ADAM7: variants seen among roughly 807,000 people sequenced by gnomAD.
ADAM7 encodes ADAM metallopeptidase domain 7, also known as disintegrin and metalloproteinase domain-containing protein 7.
A neutral mutation model predicts 102.9 loss-of-function variants in ADAM7; 97 were observed. That is an observed-to-expected ratio of 0.94 (90% CI 0.80 to 1.12). ADAM7 has a LOEUF of 1.12. Ranked by LOEUF, ADAM7 falls within the 50% of genes most tolerant of loss-of-function variation. The pLI is 0.00. For missense variants in ADAM7, 991 were observed against 908.7 expected, an observed-to-expected ratio of 1.09 and a Z score of -1.16; for synonymous variants, 334 against 304.4, an observed-to-expected ratio of 1.10 and a Z score of -1.01.
chr8:24,499,389 C>T, intron 17 of ADAM7, 73 bp downstream of exon 17: 1 of 1,138,366 alleles, frequency 8.8e-7, no homozygotes, highest in South Asian at 1.6e-5. Flanking sequence ...CCTATATGTG[C>T]ATGTATATGT....
chr8:24,468,842 T>A, intron 7 of ADAM7, 22 bp downstream of exon 7: 1 of 1,594,504 alleles, frequency 6.3e-7, no homozygotes, highest in Non-Finnish European at 8.6e-7. Context: ...ATAGAACATT[T>A]CTCTCTTTAT....
chr8:24,452,083 T>A (rs570078949), intron 3 of ADAM7, among the ~76,000 whole-genome samples: 1 of 152,042 alleles, frequency 6.6e-6, no homozygotes, highest in African/African-American at 2.4e-5. Flanking sequence ...TGTGGTCAAT[T>A]TTGGAATAGG....
intron 2 of ADAM7, among the ~76,000 whole-genome samples, chr8:24,446,224 G>T (rs1818553190): frequency 6.6e-6 from 1 of 152,090 alleles, no homozygotes. Context: ...AAAGAAACTG[G>T]TGAAAGGGCA....
chr8:24,496,457 T>C (rs1820557290), intron 16 of ADAM7, among the ~76,000 whole-genome samples: 1 of 152,094 alleles, frequency 6.6e-6, no homozygotes, highest in South Asian at 2.1e-4. Context: ...GAATGGTAGA[T>C]CCACCCACAG....
At chr8:24,445,390 T>C (rs1818518321) in intron 2 of ADAM7, among the ~76,000 whole-genome samples, 1 of 152,170 alleles carries the variant, frequency 6.6e-6, no homozygotes, top group African/African-American at 2.4e-5. Context: ...AAAACTCTCC[T>C]TCCCAACCTC....
At position 24,508,795 on chromosome 8, in the gene ADAM7, T is replaced by C; in HGVS notation, c.*249T>C. On this transcript the variant is annotated 3_prime_UTR_variant, in exon 22 of 22. Transcript: ENST00000175238. ...GTCTTGTGGTCTTTCAAATGCTCTT[T>C]AGCACAATATAAAAATTCGTAACCT... 1.6e-6 allele frequency: 2 copies of C among 1,269,188 alleles called. No homozygotes were observed. The highest frequency in any genetic ancestry group is 2.0e-6 in the Non-Finnish European group (2 of 1,007,544). The allele number at this position is 1,269,188 out of a possible 1,614,324, so 78.6% of individuals were successfully genotyped here. A position where few individuals can be genotyped will look rare whatever the true frequency, so the allele number is the denominator to read the frequency against.
At chr8:24,469,533 G>T (rs1368651728) in intron 7 of ADAM7, among the ~76,000 whole-genome samples, 1 of 152,046 alleles carries the variant, frequency 6.6e-6, no homozygotes, top group Non-Finnish European at 1.5e-5. Flanking sequence ...CCGCTAAACT[G>T]CTGGAAGTCA....
intron 12 of ADAM7, among the ~76,000 whole-genome samples, chr8:24,489,573 C>T (rs1215728732): frequency 6.6e-6 from 1 of 152,124 alleles, no homozygotes; most frequent in East Asian, 1.9e-4. Context: ...CATCAGCTTT[C>T]CTTGTTAATA....
intron 20 of ADAM7, among the ~76,000 whole-genome samples, chr8:24,506,632 A>G (rs1271278987): frequency 1.3e-5 from 2 of 152,044 alleles, no homozygotes; most frequent in Non-Finnish European, 2.9e-5. Context: ...GATCAGCCAG[A>G]GGGCTCTCCC....
intron 5 of ADAM7, among the ~76,000 whole-genome samples, chr8:24,466,483 C>T (rs1466790929): frequency 6.6e-6 from 1 of 152,088 alleles, no homozygotes; most frequent in Non-Finnish European, 1.5e-5. Flanking sequence ...GACATAGAAA[C>T]TCACATAATT....
intron 3 of ADAM7, among the ~76,000 whole-genome samples, chr8:24,456,342 A>G (rs1819032583): frequency 6.6e-6 from 1 of 152,158 alleles, no homozygotes; most frequent in Non-Finnish European, 1.5e-5. Flanking sequence ...TCCATTGTGT[A>G]TCTTTACCAT....
At chr8:24,442,696 A>T in intron 2 of ADAM7, 120 bp downstream of exon 2, 2 of 771,820 alleles carry the variant, frequency 2.6e-6, no homozygotes, top group Non-Finnish European at 4.5e-6. Flanking sequence ...AAGGACTCCC[A>T]TTCGGCATAC....
chr8:24,485,185 C>G, intron 9 of ADAM7, 92 bp from the exon 10 acceptor site: 1 of 1,131,218 alleles, frequency 8.8e-7, no homozygotes, highest in South Asian at 1.4e-5. Context: ...CATGCAAAAG[C>G]ATTGGCATTG....
intron 3 of ADAM7, among the ~76,000 whole-genome samples, chr8:24,455,734 T>A (rs755098534): frequency 6.6e-6 from 1 of 152,250 alleles, no homozygotes; most frequent in Non-Finnish European, 1.5e-5. Flanking sequence ...AATTTTTTCT[T>A]TGTATAACAT....
At chr8:24,505,024 G>A (rs570750366) in intron 20 of ADAM7, among the ~76,000 whole-genome samples, 42 of 152,220 alleles carry the variant, frequency 2.8e-4, no homozygotes, top group African/African-American at 9.6e-4. Flanking sequence ...TGATGCTAAT[G>A]TAATTCTCAT....
rs553312867 is a variant in ADAM7 at position 24,507,372 on chromosome 8, C to A, written c.2209-108C>A. 128 of 799,040 alleles carry A rather than the reference C, an allele frequency of 1.6e-4. No individual in the cohort carries two copies. In the African/African-American group the frequency reaches 2.0e-3, roughly 12 times the overall value. The allele number at this position is 799,040 out of a possible 1,614,324, so 49.5% of individuals were successfully genotyped here. ...TCATGGAGCAAGCAGAGGTGGCCTG[C>A]GTGTGTATGTGCTCATGTGTATGTG... On this transcript the variant is annotated intron_variant, in intron 20 of 21. Transcript: ENST00000175238.
intron 3 of ADAM7, among the ~76,000 whole-genome samples, chr8:24,459,725 G>T (rs967391333): frequency 2.6e-5 from 4 of 152,146 alleles, no homozygotes; most frequent in Admixed American, 2.6e-4. Context: ...CTCCCAAAGT[G>T]TCAGGATTAC....
chr8:24,464,988 T>C (rs947296332), intron 4 of ADAM7, among the ~76,000 whole-genome samples: 6 of 152,146 alleles, frequency 3.9e-5, no homozygotes, highest in Non-Finnish European at 8.8e-5. Context: ...GGTTTCACCA[T>C]GTTGGCCAGG....
At position 24,444,849 on chromosome 8, in the gene ADAM7, G is replaced by A. The variant is rs575268950; in HGVS notation, c.156+2273G>A. On this transcript the variant is annotated intron_variant, in intron 2 of 21. Transcript: ENST00000175238. ...ACCTGAATAACTATAATTAATAGTA[G>A]TTTATGAATCTGGGCTTATTCGTTG... Among the ~76,000 whole-genome samples, 3 of 152,246 alleles carry A rather than the reference G, an allele frequency of 2.0e-5. No individual in the cohort carries two copies. The South Asian group carries it at 6.2e-4, about 32-fold the overall frequency.
Sources: gnomAD v4.1 joint callset for allele counts (sites outside exome capture counted in the v4.1 genomes callset) on GRCh38, gnomAD v4.1.1 for gene constraint, MANE v1.5 for transcripts, NCBI Gene and HGNC (gene_info 2026-07-23, HGNC 2026-07-21) for gene names.